The following PCDHGA11 variants were observed in gnomAD, a reference collection of about 807,000 sequenced individuals.
PCDHGA11 encodes the protein protocadherin gamma-A11.
PCDHGA11 carries 39 observed loss-of-function variants against 60.4 expected under a neutral mutation model. The ratio of observed to expected loss-of-function variants is 0.65; its 90% CI spans 0.50 to 0.84. The LOEUF (loss-of-function observed/expected upper bound fraction) is 0.84, where lower values mean the gene tolerates loss of function less well. PCDHGA11 is among the 40% of genes least tolerant of loss of function. PCDHGA11 has a pLI of 0.00. For missense variants in PCDHGA11, 1,165 were observed against 1,197.7 expected (o/e 0.97, Z 0.40); for synonymous variants, 533 against 510.3 (o/e 1.04, Z -0.60).
rs146358809 is a variant in PCDHGA11, at chr5:141,480,913, C to T, written c.2434-13894C>T. 4.1e-3 allele frequency among the ~76,000 whole-genome samples: 617 copies of T among 152,096 alleles called. 6 individuals are homozygous for T. Among genetic ancestry groups the T allele is most frequent in the Admixed American group, 0.011 (171 of 15,272 alleles). ...TGCAAACATTAGCTGGGCATGGTGG[C>T]GCATACCTGTAGTCCCAGCTACTCT... On this transcript the variant is annotated intron_variant, in intron 1 of 3. Transcript: ENST00000398587.
At chr5:141,479,975 C>A (rs1459297521) in intron 1 of PCDHGA11, among the ~76,000 whole-genome samples, 1 of 152,186 alleles carries the variant, frequency 6.6e-6, no homozygotes, top group East Asian at 1.9e-4. Context: ...TGAGGTTCTA[C>A]CATTTACCAA....
intron 1 of PCDHGA11, chr5:141,478,104 C>T (rs1440105341): frequency 6.2e-7 from 1 of 1,614,118 alleles, no homozygotes; most frequent in South Asian, 1.1e-5. Flanking sequence ...GCTACCCTCA[C>T]TGTGTCAGTA....
chr5:141,470,019 C>G (rs2099219272), intron 1 of PCDHGA11, among the ~76,000 whole-genome samples: 1 of 152,154 alleles, frequency 6.6e-6, no homozygotes, highest in South Asian at 2.1e-4. Context: ...ATCCCAGCTA[C>G]TCGGGATGCT....
At chr5:141,472,109 A>G (rs1353132107) in intron 1 of PCDHGA11, among the ~76,000 whole-genome samples, 2 of 152,234 alleles carry the variant, frequency 1.3e-5, no homozygotes, top group Non-Finnish European at 2.9e-5. Flanking sequence ...TTTTATACAT[A>G]AAGAAAATAA....
chr5:141,504,434 A>C (rs2099838201), intron 2 of PCDHGA11, among the ~76,000 whole-genome samples: 1 of 152,234 alleles, frequency 6.6e-6, no homozygotes, highest in South Asian at 2.1e-4. Flanking sequence ...CAACAGCTGC[A>C]GTGTGACTAG....
intron 3 of PCDHGA11, among the ~76,000 whole-genome samples, chr5:141,506,146 T>C (rs1014881418): frequency 6.6e-6 from 1 of 152,086 alleles, no homozygotes; most frequent in African/African-American, 2.4e-5. Context: ...AAGAATATCA[T>C]TTGTCCTTAA....
chr5:141,507,915 G>A (rs1324577269), intron 3 of PCDHGA11, among the ~76,000 whole-genome samples: 2 of 152,224 alleles, frequency 1.3e-5, no homozygotes, highest in African/African-American at 4.8e-5. Flanking sequence ...AGCCAGGCCT[G>A]TGGGGCTGCT....
intron 1 of PCDHGA11, among the ~76,000 whole-genome samples, chr5:141,453,065 G>A (rs1308047230): frequency 3.3e-5 from 5 of 151,960 alleles, no homozygotes; most frequent in African/African-American, 1.2e-4. Flanking sequence ...TTAGAGTTTT[G>A]CCACACTCTG....
intron 3 of PCDHGA11, among the ~76,000 whole-genome samples, chr5:141,507,521 C>G (rs2099861196): frequency 6.6e-6 from 1 of 151,972 alleles, no homozygotes; most frequent in African/African-American, 2.4e-5. Flanking sequence ...GGCTATGATT[C>G]CAGAGAGGCC....
At chr5:141,480,195 G>A (rs1350891459) in intron 1 of PCDHGA11, among the ~76,000 whole-genome samples, 1 of 151,182 alleles carries the variant, frequency 6.6e-6, no homozygotes, top group Non-Finnish European at 1.5e-5. Context: ...CTTGAGGCCA[G>A]CAGTTCAAGA....
Position 141,423,156 on chromosome 5 carries a change from C to G in PCDHGA11, c.1929C>G (p.Leu643=). ...LLDRDALKQS[L]VVAVQDHGQP... is the part of the protein sequence containing the mutation. Reference sequence around the variant, plus strand: ...ACAGAGACGCGCTCAAGCAGAGCCTCGTGGTGGCCGTCCAGGACCACGGCC... The same window carrying G: ...ACAGAGACGCGCTCAAGCAGAGCCTGGTGGTGGCCGTCCAGGACCACGGCC... Residue 643 remains leucine (L), a synonymous_variant, in exon 1 of 4, where the codon CTC becomes CTG. Transcript: ENST00000398587. The G allele has an allele frequency of 6.2e-7, 1 of 1,613,388 alleles. No individual in the cohort carries two copies. Among genetic ancestry groups the G allele is most frequent in the Non-Finnish European group, 8.5e-7 (1 of 1,179,872 alleles).
At position 141,423,141 on chromosome 5, in the gene PCDHGA11, G is replaced by C; in HGVS notation, c.1914G>C (p.Ala638=). 1 of 1,613,580 alleles carries C rather than the reference G, an allele frequency of 6.2e-7. No individual in the cohort carries two copies. Among genetic ancestry groups the C allele is most frequent in the Non-Finnish European group, 8.5e-7 (1 of 1,179,920 alleles). ...CGCGGGCACTGCTGGACAGAGACGC[G>C]CTCAAGCAGAGCCTCGTGGTGGCCG... The part of the protein sequence containing the change: ...RTARALLDRD[A]LKQSLVVAVQ... Residue 638 remains alanine, a synonymous_variant, in exon 1 of 4, where the codon GCG becomes GCC. Coordinates refer to ENST00000398587, the MANE Select transcript of PCDHGA11 (RefSeq NM_018914.3).
intron 1 of PCDHGA11, chr5:141,427,043 G>A: frequency 2.2e-6 from 1 of 457,348 alleles, no homozygotes; most frequent in Non-Finnish European, 4.4e-6. Context: ...GAGAGAATGT[G>A]CCCCCAGGCA....
At position 141,491,546 on chromosome 5, in the gene PCDHGA11, C is replaced by T; in HGVS notation, c.2434-3261C>T. ...GAGGTGACGCTGCGGCCCACAGACT[C>T]GCAGAGCCACTGCTACAGGACGTGC... On this transcript the variant is annotated intron_variant, in intron 1 of 3. Transcript: ENST00000398587. This position sits in a 1 kb window ranked among gnomAD's most constrained non-coding sequence, Gnocchi z 6.9. 1.9e-6 allele frequency: 3 copies of T among 1,614,038 alleles called. No homozygotes were observed. Among genetic ancestry groups the T allele is most frequent in the Non-Finnish European group, 2.5e-6 (3 of 1,180,024 alleles).
rs934044974 is a variant in PCDHGA11, at chr5:141,476,034, C to T, written c.2434-18773C>T. 3 of 1,464,488 alleles carry T rather than the reference C, an allele frequency of 2.0e-6. No individual in the cohort carries two copies. The highest frequency in any genetic ancestry group is 2.3e-5 in the Admixed American group (1 of 44,364). The allele number at this position is 1,464,488 out of a possible 1,614,324, so 90.7% of individuals were successfully genotyped here. A position where few individuals can be genotyped will look rare whatever the true frequency, so the allele number is the denominator to read the frequency against. On this transcript the variant is annotated intron_variant, in intron 1 of 3. Transcript: ENST00000398587. The surrounding 1 kb of genome is among the most constrained non-coding windows in gnomAD (Gnocchi z 7.6). ...CCATGTCGGACTCGGCGCCCAGCGC[C>T]CAAGCGCTAACCCGCTGAAAGTTTC...
At position 141,422,630 on chromosome 5, in the gene PCDHGA11, G is replaced by A. The variant is rs1193466428; in HGVS notation, c.1403G>A (p.Arg468Lys). 5 of 1,613,176 alleles carry A rather than the reference G, an allele frequency of 3.1e-6. No homozygotes were observed. The Admixed American group carries it at 8.3e-5, about 27-fold the overall frequency. The change falls in exon 1 of 4, where the codon AGG becomes AAG. Residue 468 changes from arginine to lysine, a missense_variant. Coordinates refer to ENST00000398587, the MANE Select transcript of PCDHGA11 (RefSeq NM_018914.3). ...GCCTACATTCCCGAAAACAACCCCA[G>A]GGGTGCCTCCATCTTCTCAGTGACC... ...YSAYIPENNPRGASIFSVTAL... is the reference protein window; with the variant it reads ...YSAYIPENNPKGASIFSVTAL...
In PCDHGA11 at chr5:141,422,470, T is replaced by G; in HGVS notation, c.1243T>G (p.Leu415Val). ...AACAAGCAGAGTGCTGGACAGGGAG[T>G]TGGTCCAGAGCTACAATATAACGTT... ...LITSRVLDRELVQSYNITLTA... is the reference protein window; with the variant it reads ...LITSRVLDREVVQSYNITLTA... The change falls in exon 1 of 4, where the codon TTG becomes GTG. Residue 415 changes from leucine to valine, a missense_variant. Transcript: ENST00000398587. 1 of 1,613,440 alleles carries G rather than the reference T, an allele frequency of 6.2e-7. No individual in the cohort carries two copies. Among genetic ancestry groups the G allele is most frequent in the South Asian group, 1.1e-5 (1 of 91,014 alleles).
intron 1 of PCDHGA11, among the ~76,000 whole-genome samples, chr5:141,469,802 CATT>C (rs2099211643): frequency 6.6e-6 from 1 of 152,022 alleles, no homozygotes; most frequent in Admixed American, 6.6e-5. Context: ...ATTGCAAAAA[CATT>C]GTAGATAGAA....
At chr5:141,453,811 A>G (rs541081089) in intron 1 of PCDHGA11, among the ~76,000 whole-genome samples, 1 of 152,350 alleles carries the variant, frequency 6.6e-6, no homozygotes, top group Admixed American at 6.5e-5. Context: ...AGTTCCATAA[A>G]GGACAAACTT....
Sources: allele counts gnomAD v4.1 joint callset (sites outside exome capture counted in the v4.1 genomes callset), GRCh38; gene constraint gnomAD v4.1.1; non-coding constraint Gnocchi (gnomAD v3.1); transcripts MANE v1.5; gene names NCBI Gene and HGNC (gene_info 2026-07-23, HGNC 2026-07-21).